GLIS3: variants seen among roughly 807,000 people sequenced by gnomAD.
The protein encoded by GLIS3 is zinc finger protein GLIS3.
A neutral mutation model predicts 78.6 loss-of-function variants in GLIS3; 53 were observed. That is an observed-to-expected ratio of 0.67 (90% CI 0.54 to 0.85). The LOEUF (loss-of-function observed/expected upper bound fraction) is 0.85. Ranked by LOEUF, GLIS3 falls within the 40% of genes least tolerant of loss-of-function variation. GLIS3 has a pLI of 0.00. For missense variants in GLIS3, 1,703 were observed against 1,231.1 expected (o/e 1.38, Z -5.74); for synonymous variants, 684 against 509.9 (o/e 1.34, Z -4.60).
chr9:4,041,193 G>A (rs2130365593), intron 4 of GLIS3, among the ~76,000 whole-genome samples: 1 of 152,278 alleles, frequency 6.6e-6, no homozygotes, highest in African/African-American at 2.4e-5. Flanking sequence ...CTTATTAAAA[G>A]CCCCGGGGGA....
intron 2 of GLIS3, among the ~76,000 whole-genome samples, chr9:4,345,543 A>C (rs111935554): frequency 2.3e-4 from 35 of 152,326 alleles, no homozygotes; most frequent in African/African-American, 8.4e-4. Flanking sequence ...TCAAACCCCC[A>C]ACTGGGATTT....
At chr9:3,982,925 T>C (rs888836918) in intron 4 of GLIS3, among the ~76,000 whole-genome samples, 2 of 152,180 alleles carry the variant, frequency 1.3e-5, no homozygotes, top group African/African-American at 4.8e-5. Context: ...ATTCCTAGAA[T>C]TAGAAGAAAC....
At chr9:4,466,009 C>T in the GLIS3 span, among the ~76,000 whole-genome samples, 13 of 152,216 alleles carry the variant, frequency 8.5e-5, no homozygotes, top group Middle Eastern at 3.4e-3. Flanking sequence ...ATCAACGAAT[C>T]CAAGAGCTGG....
intron 2 of GLIS3, among the ~76,000 whole-genome samples, chr9:4,171,868 G>T (rs184062031): frequency 1.3e-5 from 2 of 152,170 alleles, no homozygotes; most frequent in Admixed American, 1.3e-4. Context: ...AGGACTGGCT[G>T]CTAAGGAATA....
At chr9:4,389,880 C>T in the GLIS3 span, among the ~76,000 whole-genome samples, 6 of 152,136 alleles carry the variant, frequency 3.9e-5, no homozygotes, top group African/African-American at 9.7e-5. Context: ...CAGCAGTGCT[C>T]GACATCAAGA....
intron 2 of GLIS3, among the ~76,000 whole-genome samples, chr9:4,280,340 T>C (rs1234283439): frequency 6.6e-6 from 1 of 152,236 alleles, no homozygotes; most frequent in Non-Finnish European, 1.5e-5. Context: ...TTTTAAAATG[T>C]AACTATATAT....
At chr9:3,894,446 C>A (rs912868364) in intron 7 of GLIS3, among the ~76,000 whole-genome samples, 12 of 152,074 alleles carry the variant, frequency 7.9e-5, no homozygotes, top group African/African-American at 2.4e-4. Flanking sequence ...AGCAAATATA[C>A]TCAATTTAAG....
intron 2 of GLIS3, among the ~76,000 whole-genome samples, chr9:4,311,101 T>A (rs13297465): frequency 0.048 from 7,314 of 152,006 alleles, 284 homozygotes; most frequent in Admixed American, 0.11. Flanking sequence ...TGCTAAGGAG[T>A]CTGTGGATAG....
chr9:4,365,305 G>A, the GLIS3 span, among the ~76,000 whole-genome samples: 4 of 152,148 alleles, frequency 2.6e-5, no homozygotes, highest in Non-Finnish European at 5.9e-5. Flanking sequence ...GCTCATGCCT[G>A]TAATCACTTT....
At chr9:4,189,210 T>C (rs929837876) in intron 2 of GLIS3, among the ~76,000 whole-genome samples, 4 of 152,114 alleles carry the variant, frequency 2.6e-5, no homozygotes, top group African/African-American at 9.7e-5. Context: ...TTGTTCTCGT[T>C]GGTTTCAAAG....
chr9:3,962,108 T>A (rs1030816325), intron 4 of GLIS3, among the ~76,000 whole-genome samples: 7 of 152,090 alleles, frequency 4.6e-5, no homozygotes, highest in African/African-American at 1.7e-4. Flanking sequence ...TAGTCCTAGC[T>A]ACCTGGGAGG....
rs539863414 is a variant in GLIS3, at chr9:3,979,549, G to T, written c.1711-42360C>A. The stretch of plus-strand genomic sequence containing the variant: ...AGTGACTTCTCCTCTATGTGCTTCA[G>T]TTTCTTAATTGTTCTGAGTACTTCC... On this transcript the variant is annotated intron_variant, in intron 4 of 10. Transcript: ENST00000381971. Among the ~76,000 whole-genome samples, 4 of 152,294 alleles carry T rather than the reference G, an allele frequency of 2.6e-5. No individual in the cohort carries two copies. In the South Asian group the frequency reaches 8.3e-4, roughly 32 times the overall value.
At chr9:4,334,086 G>A (rs78484931) in intron 2 of GLIS3, among the ~76,000 whole-genome samples, 5,875 of 152,204 alleles carry the variant, frequency 0.039, 404 homozygotes, top group African/African-American at 0.13. Context: ...TTGAATTTGA[G>A]TATCAAGACA....
intron 2 of GLIS3, among the ~76,000 whole-genome samples, chr9:4,269,408 C>A (rs1253975090): frequency 2.0e-5 from 3 of 152,190 alleles, no homozygotes; most frequent in Non-Finnish European, 4.4e-5. Context: ...ACTTATACTG[C>A]CAGCTACAGT....
chr9:4,150,407 G>A (rs1012107833), intron 2 of GLIS3, among the ~76,000 whole-genome samples: 1 of 152,176 alleles, frequency 6.6e-6, no homozygotes, highest in African/African-American at 2.4e-5. Flanking sequence ...GAGGCAAGAG[G>A]AATCTATGCC....
Position 4,269,206 on chromosome 9 carries a change from C to G in GLIS3, c.388+16832G>C, listed in dbSNP as rs143322115. On this transcript the variant is annotated intron_variant, in intron 2 of 10. Transcript: ENST00000381971. ...GGGATCTCCTCTCAATGTCTAATTT[C>G]AATTCTTCCACTTGAGATTTGTGAC... Among the ~76,000 whole-genome samples, 10 of 152,264 alleles carry G rather than the reference C, an allele frequency of 6.6e-5. No individual in the cohort carries two copies. The East Asian group carries it at 1.7e-3, about 26-fold the overall frequency.
the GLIS3 span, among the ~76,000 whole-genome samples, chr9:4,466,541 A>ATTTT: frequency 1.3e-5 from 2 of 152,208 alleles, no homozygotes; most frequent in Non-Finnish European, 2.9e-5. Flanking sequence ...AATTTTTTTA[A>ATTTT]ATGTTAGCAA....
At chr9:3,882,547 G>A (rs1287732791) in intron 7 of GLIS3, among the ~76,000 whole-genome samples, 5 of 152,170 alleles carry the variant, frequency 3.3e-5, no homozygotes, top group Non-Finnish European at 7.3e-5. Flanking sequence ...TGGGGCACAC[G>A]AGGTGTCAGG....
chr9:3,913,055 T>C (rs2130691990), intron 6 of GLIS3, among the ~76,000 whole-genome samples: 1 of 152,320 alleles, frequency 6.6e-6, no homozygotes, highest in South Asian at 2.1e-4. Flanking sequence ...ACTTCCCCCA[T>C]CCATCTTACC....
Sources: allele counts gnomAD v4.1 joint callset (sites outside exome capture counted in the v4.1 genomes callset), GRCh38; gene constraint gnomAD v4.1.1; transcripts MANE v1.5; gene names NCBI Gene and HGNC (gene_info 2026-07-23, HGNC 2026-07-21).